The following PSMC2 variants were observed in gnomAD, a reference collection of about 807,000 sequenced individuals.
The protein encoded by PSMC2 is 26S proteasome regulatory subunit 7.
PSMC2 carries 7 observed loss-of-function variants against 53.3 expected under a neutral mutation model. The ratio of observed to expected loss-of-function variants is 0.13; its 90% CI spans 0.07 to 0.25. The LOEUF (loss-of-function observed/expected upper bound fraction) is 0.25, where lower values mean the gene tolerates loss of function less well. PSMC2 is among the 10% of genes least tolerant of loss of function. The pLI is 1.00. For missense variants in PSMC2, 241 were observed against 544.0 expected (o/e 0.44, Z 5.54); for synonymous variants, 169 against 183.9 (o/e 0.92, Z 0.66).
chr7:103,347,800 G>C lies in PSMC2; in HGVS notation c.70+19G>C. 2.5e-6 allele frequency: 4 copies of C among 1,613,578 alleles called. No individual in the cohort carries two copies. The highest frequency in any genetic ancestry group is 3.4e-6 in the Non-Finnish European group (4 of 1,179,706). On this transcript the variant is annotated intron_variant, in intron 1 of 11. Coordinates refer to ENST00000292644, the MANE Select transcript of PSMC2 (RefSeq NM_002803.4). ...ATCCGAGGTCAGTTGACATGGGCCG[G>C]AGCTCGGAGCTGGGGCGGGACTGGA...
intron 1 of PSMC2, among the ~76,000 whole-genome samples, chr7:103,353,699 C>T (rs113005383): frequency 5.3e-5 from 8 of 152,246 alleles, no homozygotes; most frequent in African/African-American, 1.9e-4. Flanking sequence ...TAGGTCATCA[C>T]GTATATTATG....
At chr7:103,356,823 T>C (rs112060525) in intron 4 of PSMC2, among the ~76,000 whole-genome samples, 3 of 152,342 alleles carry the variant, frequency 2.0e-5, no homozygotes, top group African/African-American at 7.2e-5. Context: ...GTGTTAATGT[T>C]GCTTAGAAAA....
At position 103,369,051 on chromosome 7, in the gene PSMC2, A is replaced by T. The variant is rs1820876110; in HGVS notation, c.*997A>T. On this transcript the variant is annotated 3_prime_UTR_variant, in exon 12 of 12. Coordinates refer to ENST00000292644, the MANE Select transcript of PSMC2 (RefSeq NM_002803.4). The stretch of plus-strand genomic sequence containing the variant: ...ATATTTTTATTGAAGTTCGATATTC[A>T]TAAATAAGTTGCAAAATAAGAGTTG... The T allele has an allele frequency of 6.6e-6, 1 of 152,222 alleles. No homozygotes were observed. Among genetic ancestry groups the T allele is most frequent in the Non-Finnish European group, 1.5e-5 (1 of 68,026 alleles). The allele number at this position is 152,222 out of a possible 1,614,324, so 9.4% of individuals were successfully genotyped here.
At position 103,354,868 on chromosome 7, in the gene PSMC2, G is replaced by A; in HGVS notation, c.109G>A (p.Gly37Ser). 1 of 1,607,066 alleles carries A rather than the reference G, an allele frequency of 6.2e-7. No individual in the cohort carries two copies. The highest frequency in any genetic ancestry group is 8.5e-7 in the Non-Finnish European group (1 of 1,174,430). The change falls in exon 3 of 12, where the codon GGT (glycine) becomes AGT (serine). Residue 37 changes from glycine to serine, a missense_variant and splice_region_variant. Gly to Ser is a moderately conservative substitution (Grantham distance 56, BLOSUM62 0). Around this residue, in one of 6 missense-constraint regions of PSMC2, gnomAD observed 70 missense variants for 57.9 expected, o/e 1.21. Transcript: ENST00000292644. ...AACTAAACTGACCTTCATCACCTAGGGTCAGAGCACTTACTCTAGGCAGAT... is the reference window on the plus strand; with the variant it reads ...AACTAAACTGACCTTCATCACCTAGAGTCAGAGCACTTACTCTAGGCAGAT... ...EGDIALLKTY[G>S]QSTYSRQIKQ...
Position 103,362,095 on chromosome 7 carries a change from T to C in PSMC2, c.422+7T>C, listed in dbSNP as rs769997621. The C allele has an allele frequency of 1.2e-6, 2 of 1,612,344 alleles. No homozygotes were observed. The highest frequency in any genetic ancestry group is 1.7e-6 in the Non-Finnish European group (2 of 1,179,616). ...AAGAAGGGATGAGAGTGGGGTAAGA[T>C]TTCTATTTACAATAAATACTTTTCT... is the stretch of plus-strand genomic sequence containing the variant. On this transcript the variant is annotated splice_region_variant and intron_variant, in intron 5 of 11. Coordinates refer to ENST00000292644, the MANE Select transcript of PSMC2 (RefSeq NM_002803.4).
intron 1 of PSMC2, among the ~76,000 whole-genome samples, chr7:103,353,444 C>G (rs1461347376): frequency 6.6e-6 from 1 of 152,072 alleles, no homozygotes; most frequent in Admixed American, 6.6e-5. Flanking sequence ...GTAGCTGGGA[C>G]TACAGACATG....
intron 9 of PSMC2, among the ~76,000 whole-genome samples, chr7:103,366,409 G>A (rs752527617): frequency 3.3e-5 from 5 of 152,252 alleles, no homozygotes; most frequent in African/African-American, 9.6e-5. Flanking sequence ...TCCCTTAGCC[G>A]AAATGTTTGA....
chr7:103,364,013 T>C (rs1307901041), intron 7 of PSMC2, 130 bp from the exon 8 acceptor site: 11 of 870,870 alleles, frequency 1.3e-5, no homozygotes, highest in Non-Finnish European at 1.7e-5. Flanking sequence ...GACTTAATAA[T>C]TTTGATTTAA....
intron 1 of PSMC2, chr7:103,352,988 T>C: frequency 1.3e-6 from 1 of 779,834 alleles, no homozygotes; most frequent in Non-Finnish European, 2.4e-6. Flanking sequence ...TACCACTCTG[T>C]CTATTTGCAA....
At chr7:103,366,710 A>G (rs141683647) in intron 9 of PSMC2, among the ~76,000 whole-genome samples, 1 of 152,358 alleles carries the variant, frequency 6.6e-6, no homozygotes, top group East Asian at 1.9e-4. Context: ...ACTGGGGCAT[A>G]ATTTAATTGA....
At chr7:103,352,819 C>A in intron 1 of PSMC2, 1 of 780,428 alleles carries the variant, frequency 1.3e-6, no homozygotes, top group South Asian at 1.3e-5. Flanking sequence ...CTAACAGATT[C>A]CAGAGCTGGC....
intron 4 of PSMC2, among the ~76,000 whole-genome samples, chr7:103,356,154 ATT>A (rs533626972): frequency 1.4e-5 from 2 of 143,384 alleles, no homozygotes; most frequent in Non-Finnish European, 3.1e-5. Flanking sequence ...ACATATCCTG[ATT>A]TTTTTTTTTT....
chr7:103,352,215 TAAAAAAAAAAAAAAAAA>T (rs769618353), intron 1 of PSMC2, among the ~76,000 whole-genome samples: 8 of 40,608 alleles, frequency 2.0e-4, no homozygotes, highest in Admixed American at 9.3e-4. Context: ...CATACTTAGT[TAAAAAAAAAAAAAAAAA>T]AAAAAAAAAA....
intron 8 of PSMC2, among the ~76,000 whole-genome samples, chr7:103,364,775 G>A (rs1204024364): frequency 6.6e-6 from 1 of 151,908 alleles, no homozygotes; most frequent in African/African-American, 2.4e-5. Flanking sequence ...TTGGAGATAG[G>A]CAACCACTTA....
chr7:103,359,708 C>T (rs1217623202), intron 4 of PSMC2, among the ~76,000 whole-genome samples: 1 of 152,200 alleles, frequency 6.6e-6, no homozygotes, highest in African/African-American at 2.4e-5. Flanking sequence ...ATTGGTGAGA[C>T]ATTCTTCTCA....
At chr7:103,351,347 C>A (rs1819731910) in intron 1 of PSMC2, among the ~76,000 whole-genome samples, 1 of 152,212 alleles carries the variant, frequency 6.6e-6, no homozygotes, top group East Asian at 1.9e-4. Context: ...GCACAAGCTT[C>A]CAAGGGTCCT....
intron 4 of PSMC2, 106 bp downstream of exon 4, chr7:103,355,899 A>T: frequency 1.3e-6 from 1 of 752,694 alleles, no homozygotes; most frequent in Non-Finnish European, 2.0e-6. Context: ...TTTGATTCCA[A>T]ATTCCAAGTA....
chr7:103,367,052 T>G lies in PSMC2; in HGVS notation c.845-361T>G, dbSNP rs955612149. ...ACTCCTGAGGACAAGTTATTTTAAC[T>G]AATCTCTGAGCCTCAGTTTGCTCAT... On this transcript the variant is annotated intron_variant, in intron 9 of 11. Transcript: ENST00000292644. This position sits in a 1 kb window ranked among gnomAD's most constrained non-coding sequence, Gnocchi z 6.1. 2.0e-5 allele frequency among the ~76,000 whole-genome samples: 3 copies of G among 152,180 alleles called. No homozygotes were observed. The highest frequency in any genetic ancestry group is 4.4e-5 in the Non-Finnish European group (3 of 68,022).
intron 4 of PSMC2, among the ~76,000 whole-genome samples, chr7:103,359,554 T>C (rs1262665010): frequency 1.3e-5 from 2 of 152,186 alleles, no homozygotes; most frequent in African/African-American, 4.8e-5. Context: ...AATTTGTCTA[T>C]CCTGGACATA....
Sources: gnomAD v4.1 joint callset for allele counts (sites outside exome capture counted in the v4.1 genomes callset) on GRCh38, gnomAD v4.1.1 for gene constraint, gnomAD v4.1.1 regional missense constraint, Gnocchi (gnomAD v3.1) non-coding constraint, MANE v1.5 for transcripts, NCBI Gene and HGNC (gene_info 2026-07-23, HGNC 2026-07-21) for gene names.